Variants in EYS observed in about 807,000 individuals in gnomAD.
The protein encoded by EYS is protein eyes shut homolog.
A neutral mutation model predicts 282.1 loss-of-function variants in EYS; 250 were observed. The ratio of observed to expected loss-of-function variants is 0.89; its 90% confidence interval spans 0.80 to 0.98. The LOEUF is 0.98. Among genes scored for constraint, EYS ranks in the 50% least tolerant of loss-of-function variants. EYS has a pLI of 0.00. For missense variants in EYS, 4,016 were observed against 3,709.0 expected (o/e 1.08, Z -2.15); for synonymous variants, 1,355 against 1,282.9 (o/e 1.06, Z -1.20).
chr6:65,130,601 G>A (rs1775841859), intron 12 of EYS, among the ~76,000 whole-genome samples: 1 of 151,776 alleles, frequency 6.6e-6, no homozygotes, highest in African/African-American at 2.4e-5. Flanking sequence ...GCTAAATAAT[G>A]AGAACAGATG....
intron 31 of EYS, among the ~76,000 whole-genome samples, chr6:64,093,338 C>T (rs1202285045): frequency 6.6e-6 from 1 of 152,040 alleles, no homozygotes; most frequent in Non-Finnish European, 1.5e-5. Context: ...TATAAATTAC[C>T]TCGGGCAGTA....
intron 12 of EYS, among the ~76,000 whole-genome samples, chr6:65,256,152 A>T (rs986722494): frequency 4.6e-5 from 7 of 152,080 alleles, no homozygotes; most frequent in South Asian, 2.1e-4. Flanking sequence ...TACACACTGA[A>T]GTACTATTCA....
intron 26 of EYS, among the ~76,000 whole-genome samples, chr6:64,562,195 T>A (rs1174234691): frequency 6.6e-6 from 1 of 151,900 alleles, no homozygotes; most frequent in Non-Finnish European, 1.5e-5. Flanking sequence ...AGGATTAAGC[T>A]CTTCTTCACT....
chr6:64,664,182 C>G (rs745909789), intron 22 of EYS, among the ~76,000 whole-genome samples: 2 of 152,192 alleles, frequency 1.3e-5, no homozygotes, highest in African/African-American at 2.4e-5. Context: ...AACAGAGCTC[C>G]CATACAATGG....
chr6:65,392,956 A>G (rs1766109006), intron 7 of EYS, among the ~76,000 whole-genome samples: 1 of 152,210 alleles, frequency 6.6e-6, no homozygotes, highest in South Asian at 2.1e-4. Flanking sequence ...GATTAAGAAA[A>G]TGTGTCACAT....
chr6:65,068,796 A>G (rs1282614204), intron 12 of EYS, among the ~76,000 whole-genome samples: 2 of 152,084 alleles, frequency 1.3e-5, no homozygotes, highest in Non-Finnish European at 2.9e-5. Flanking sequence ...CTTTGAATTA[A>G]TGCAATAATT....
intron 5 of EYS, among the ~76,000 whole-genome samples, chr6:65,427,541 A>G (rs1379897057): frequency 1.3e-5 from 2 of 152,114 alleles, no homozygotes. Context: ...ATAAATATGT[A>G]CATAAAAAAT....
At chr6:65,404,710 A>G (rs1766652541) in intron 6 of EYS, among the ~76,000 whole-genome samples, 2 of 150,336 alleles carry the variant, frequency 1.3e-5, no homozygotes, top group Admixed American at 6.6e-5. Flanking sequence ...TCTCCAGGGG[A>G]AAAAAAATTC....
chr6:65,503,410 T>G (rs969901319), intron 2 of EYS, among the ~76,000 whole-genome samples: 3 of 151,654 alleles, frequency 2.0e-5, no homozygotes, highest in African/African-American at 7.2e-5. Flanking sequence ...AAGTAGTTAT[T>G]TTTGTTCTCT....
At chr6:65,669,306 T>G (rs1768304017) in intron 1 of EYS, among the ~76,000 whole-genome samples, 1 of 151,948 alleles carries the variant, frequency 6.6e-6, no homozygotes, top group African/African-American at 2.4e-5. Flanking sequence ...GAATCTGACT[T>G]GGAGCGAAGG....
At chr6:63,900,671 A>G (rs1468938768) in intron 35 of EYS, among the ~76,000 whole-genome samples, 4 of 152,072 alleles carry the variant, frequency 2.6e-5, no homozygotes, top group Non-Finnish European at 5.9e-5. Context: ...CTTCACATTC[A>G]TACACAGATC....
intron 2 of EYS, among the ~76,000 whole-genome samples, chr6:65,636,238 G>A (rs1586657): frequency 3.9e-5 from 6 of 152,078 alleles, no homozygotes; most frequent in Admixed American, 2.6e-4. Context: ...AAACAGAAGC[G>A]AAAATCTTTG....
At chr6:63,895,905 GT>G (rs10705427) in intron 35 of EYS, among the ~76,000 whole-genome samples, 84 of 124,284 alleles carry the variant, frequency 6.8e-4, no homozygotes, top group African/African-American at 2.5e-3. Context: ...ATCATGATTT[GT>G]TTTTTTTTTT....
At chr6:64,844,987 T>G (rs1562222029) in intron 19 of EYS, among the ~76,000 whole-genome samples, 1 of 152,130 alleles carries the variant, frequency 6.6e-6, no homozygotes, top group Non-Finnish European at 1.5e-5. Flanking sequence ...TTGTTCTTTA[T>G]AAAACACCTA....
At chr6:65,646,656 A>G (rs563739982) in intron 1 of EYS, among the ~76,000 whole-genome samples, 2 of 152,288 alleles carry the variant, frequency 1.3e-5, no homozygotes, top group African/African-American at 4.8e-5. Flanking sequence ...TCAACACAGT[A>G]CTTGAAGTTC....
chr6:65,314,824 A>G (rs1306968113), intron 11 of EYS, among the ~76,000 whole-genome samples: 1 of 152,152 alleles, frequency 6.6e-6, no homozygotes, highest in Non-Finnish European at 1.5e-5. Flanking sequence ...TCTGTTTATC[A>G]GGGTAAAACT....
In EYS at chr6:64,732,478, T is replaced by C. The variant is rs1157996635; in HGVS notation, c.3443+80900A>G. Among the ~76,000 whole-genome samples, 10 of 152,246 alleles carry C rather than the reference T, an allele frequency of 6.6e-5. No individual in the cohort carries two copies. The East Asian group carries it at 1.7e-3, about 26-fold the overall frequency. On this transcript the variant is annotated intron_variant, in intron 22 of 42. Transcript: ENST00000503581. ...AGTCTGTTTATAAACATCTTAGATATGGCAGAAATTTAAAAAAAAGTAAAA... is the reference window on the plus strand; with the variant it reads ...AGTCTGTTTATAAACATCTTAGATACGGCAGAAATTTAAAAAAAAGTAAAA...
intron 8 of EYS, among the ~76,000 whole-genome samples, chr6:65,376,353 A>C (rs2089002): frequency 0.41 from 62,810 of 151,952 alleles, 13,980 homozygotes; most frequent in South Asian, 0.51. Flanking sequence ...ACCAGGCTTG[A>C]CTTACAAGAA....
At chr6:64,790,817 G>A (rs1774165643) in intron 22 of EYS, among the ~76,000 whole-genome samples, 1 of 151,704 alleles carries the variant, frequency 6.6e-6, no homozygotes, top group Non-Finnish European at 1.5e-5. Flanking sequence ...GAACAAGGTG[G>A]TACATTATCC....
Sources: allele counts gnomAD v4.1 joint callset (sites outside exome capture counted in the v4.1 genomes callset), GRCh38; gene constraint gnomAD v4.1.1; transcripts MANE v1.5; gene names NCBI Gene and HGNC (gene_info 2026-07-23, HGNC 2026-07-21).